Variants in TAFA2 observed in about 807,000 individuals in gnomAD.
TAFA2 encodes TAFA chemokine like family member 2.
TAFA2 carries 7 observed loss-of-function variants against 18.8 expected under a neutral mutation model. That is an observed-to-expected ratio of 0.37 (90% confidence interval 0.21 to 0.70). The LOEUF (loss-of-function observed/expected upper bound fraction) is 0.70. TAFA2 is among the 30% of genes least tolerant of loss of function. The pLI, the probability that TAFA2 is intolerant of heterozygous loss-of-function variation, is 0.53. For synonymous variants in TAFA2, 60 were observed against 54.2 expected, an observed-to-expected ratio of 1.11 and a Z score of -0.47; for missense variants, 122 against 158.1, an observed-to-expected ratio of 0.77 and a Z score of 1.23.
chr12:61,832,842 G>T (rs1872768465), intron 2 of TAFA2, among the ~76,000 whole-genome samples: 1 of 151,634 alleles, frequency 6.6e-6, no homozygotes, highest in Non-Finnish European at 1.5e-5. Context: ...GAAGGTGTTT[G>T]TAGAGATCAC....
intron 1 of TAFA2, among the ~76,000 whole-genome samples, chr12:62,208,641 C>A (rs2062701607): frequency 6.6e-6 from 1 of 151,908 alleles, no homozygotes; most frequent in African/African-American, 2.4e-5. Context: ...ATTAATGGCC[C>A]ATATAATGAA....
intron 1 of TAFA2, among the ~76,000 whole-genome samples, chr12:62,007,012 GT>G (rs1880574250): frequency 6.6e-6 from 1 of 152,150 alleles, no homozygotes; most frequent in Admixed American, 6.5e-5. Context: ...AATCTTGCCT[GT>G]GAAGCATGAT....
chr12:62,200,418 A>G (rs1269132337), intron 1 of TAFA2, among the ~76,000 whole-genome samples: 1 of 151,718 alleles, frequency 6.6e-6, no homozygotes, highest in Non-Finnish European at 1.5e-5. Context: ...ATCCATCATG[A>G]GTTAATTTTT....
At chr12:62,205,247 G>A (rs2062686923) in intron 1 of TAFA2, among the ~76,000 whole-genome samples, 1 of 152,190 alleles carries the variant, frequency 6.6e-6, no homozygotes, top group South Asian at 2.1e-4. Context: ...AATGCCAGTG[G>A]GAATGCTCCT....
rs142051697 is a variant in TAFA2 at position 61,958,038 on chromosome 12, T to A, written c.-1-90612A>T. Among the ~76,000 whole-genome samples, 417 of 152,202 alleles carry A rather than the reference T, an allele frequency of 2.7e-3. 3 individuals carry two copies. The highest frequency in any genetic ancestry group is 9.3e-3 in the African/African-American group (388 of 41,558). On this transcript the variant is annotated intron_variant, in intron 1 of 4. Transcript: ENST00000416284. ...CCCCAGCTCCTCAGTTAACCTACAT[T>A]AGCAACCTGGTGTGTTTCCTCTCAT...
chr12:62,233,275 T>C (rs2062821179), intron 1 of TAFA2, among the ~76,000 whole-genome samples: 1 of 151,646 alleles, frequency 6.6e-6, no homozygotes, highest in East Asian at 2.0e-4. Flanking sequence ...GAGATGGGGT[T>C]TCACCATGTT....
Position 61,709,934 on chromosome 12 carries a change from G to A in TAFA2, c.*472C>T, listed in dbSNP as rs1295370705. The A allele has an allele frequency of 1.3e-5, 2 of 154,844 alleles. No individual in the cohort carries two copies. Among genetic ancestry groups the A allele is most frequent in the African/African-American group, 4.8e-5 (2 of 41,506 alleles). The allele number at this position is 154,844 out of a possible 1,614,324, so 9.6% of individuals were successfully genotyped here. On this transcript the variant is annotated 3_prime_UTR_variant, in exon 5 of 5. Transcript: ENST00000416284. ...TGTCTCAGTCTACACCATGCCAGAG[G>A]AAAAGTTCTCAAAGGAAATGTCATT...
At chr12:62,011,735 A>G (rs866089495) in intron 1 of TAFA2, among the ~76,000 whole-genome samples, 65 of 141,282 alleles carry the variant, frequency 4.6e-4, no homozygotes, top group African/African-American at 1.6e-3. Flanking sequence ...AACACCCAAG[A>G]ATGATCAATA....
intron 1 of TAFA2, chr12:62,252,644 G>C (rs777958418): frequency 6.6e-6 from 1 of 152,060 alleles, no homozygotes; most frequent in African/African-American, 2.4e-5. Flanking sequence ...TACTGCATAG[G>C]GTATTATTGT....
chr12:61,958,327 C>G (rs73310291), intron 1 of TAFA2, among the ~76,000 whole-genome samples: 1 of 151,932 alleles, frequency 6.6e-6, no homozygotes, highest in African/African-American at 2.4e-5. Context: ...AACAAAAATG[C>G]CATAATAAAT....
chr12:62,145,185 G>A (rs2062271593), intron 1 of TAFA2, among the ~76,000 whole-genome samples: 1 of 152,166 alleles, frequency 6.6e-6, no homozygotes, highest in South Asian at 2.1e-4. Flanking sequence ...CTACATGGCA[G>A]GGGTCCCCAT....
At chr12:62,159,177 G>A (rs1318462769) in intron 1 of TAFA2, among the ~76,000 whole-genome samples, 3 of 152,162 alleles carry the variant, frequency 2.0e-5, no homozygotes, top group Non-Finnish European at 4.4e-5. Context: ...ACGTTTTTAA[G>A]GTTGAAGTTG....
chr12:62,053,842 G>A (rs1451112568), intron 1 of TAFA2, among the ~76,000 whole-genome samples: 1 of 152,178 alleles, frequency 6.6e-6, no homozygotes, highest in African/African-American at 2.4e-5. Context: ...TCACAGGCTT[G>A]ATGTGCCACT....
intron 1 of TAFA2, chr12:62,234,762 G>A: frequency 9.3e-7 from 1 of 1,079,062 alleles, no homozygotes; most frequent in Non-Finnish European, 1.4e-6. Flanking sequence ...GTTCTGCTCT[G>A]CTGTCTGTGG....
chr12:61,869,389 C>A (rs1160930143), intron 1 of TAFA2, among the ~76,000 whole-genome samples: 1 of 152,116 alleles, frequency 6.6e-6, no homozygotes. Context: ...CTATGCATAG[C>A]AAATAATAAA....
At chr12:61,716,313 C>T (rs1869656499) in intron 4 of TAFA2, among the ~76,000 whole-genome samples, 2 of 152,210 alleles carry the variant, frequency 1.3e-5, no homozygotes, top group South Asian at 4.2e-4. Flanking sequence ...TCAGACTTTG[C>T]AGAAAGGATA....
intron 1 of TAFA2, among the ~76,000 whole-genome samples, chr12:61,938,471 G>GAGGCTACTT (rs1364775902): frequency 6.6e-6 from 1 of 152,004 alleles, no homozygotes; most frequent in African/African-American, 2.4e-5. Context: ...CCTACTTGAG[G>GAGGCTACTT]GTGGAGAATA....
At chr12:61,792,019 A>T (rs1871001726) in intron 2 of TAFA2, among the ~76,000 whole-genome samples, 1 of 151,750 alleles carries the variant, frequency 6.6e-6, no homozygotes, top group Non-Finnish European at 1.5e-5. Context: ...AAAAACAATG[A>T]AATACTACTT....
At chr12:62,234,490 A>T in intron 1 of TAFA2, 1 of 1,089,274 alleles carries the variant, frequency 9.2e-7, no homozygotes, top group Non-Finnish European at 1.4e-6. Context: ...GTCAGACCTC[A>T]TGAACTCTTG....
Sources: allele counts gnomAD v4.1 joint callset (sites outside exome capture counted in the v4.1 genomes callset), GRCh38; gene constraint gnomAD v4.1.1; transcripts MANE v1.5; gene names NCBI Gene and HGNC (gene_info 2026-07-23, HGNC 2026-07-21).